SRD5A2: variants seen among roughly 807,000 people sequenced by gnomAD.
SRD5A2 encodes steroid 5 alpha-reductase 2, also known as 3-oxo-5-alpha-steroid 4-dehydrogenase 2.
In SRD5A2, 30 loss-of-function variants were observed where a neutral mutation model predicts 27.4. That is an observed-to-expected ratio of 1.10 (90% CI 0.82 to 1.49). The LOEUF is 1.49. Among genes scored for constraint, SRD5A2 ranks in the 40% most tolerant of loss-of-function variants. SRD5A2 has a pLI of 0.00. For synonymous variants in SRD5A2, 141 were observed against 133.6 expected (o/e 1.06, Z -0.38); for missense variants, 348 against 323.4 (o/e 1.08, Z -0.58).
intron 1 of SRD5A2, among the ~76,000 whole-genome samples, chr2:31,558,641 T>C (rs1394539346): frequency 6.6e-6 from 1 of 152,226 alleles, no homozygotes; most frequent in Non-Finnish European, 1.5e-5. Context: ...TAATCCAGTA[T>C]GACCTCATCT....
chr2:31,563,413 A>G (rs1177574115), intron 1 of SRD5A2: 1 of 152,132 alleles, frequency 6.6e-6, no homozygotes, highest in African/African-American at 2.4e-5. Flanking sequence ...TGAAATAATT[A>G]TTTACAAAAC....
the SRD5A2 span, among the ~76,000 whole-genome samples, chr2:31,620,627 T>C: frequency 6.6e-6 from 1 of 151,980 alleles, no homozygotes; most frequent in Non-Finnish European, 1.5e-5. Flanking sequence ...TTAGTATACC[T>C]ACATTAGTAA....
chr2:31,533,828 C>T (rs1665969408), intron 1 of SRD5A2, 62 bp from the exon 2 acceptor site: 1 of 1,524,058 alleles, frequency 6.6e-7, no homozygotes, highest in Non-Finnish European at 8.8e-7. Context: ...GTCTCATCCC[C>T]ACCTCTTTCT....
In SRD5A2 at chr2:31,531,478, C is replaced by A; in HGVS notation, c.446-6G>T. The A allele has an allele frequency of 6.3e-7, 1 of 1,575,836 alleles. No individual in the cohort carries two copies. Among genetic ancestry groups the A allele is most frequent in the East Asian group, 2.3e-5 (1 of 43,880 alleles). On this transcript the variant is annotated splice_polypyrimidine_tract_variant and splice_region_variant and intron_variant, in intron 2 of 4. Transcript: ENST00000622030. ...CAAAATAAATAAGAAGACACCTTGA[C>A]AAAGAAGAGAGAAAGGAGAAATTTT...
the SRD5A2 span, among the ~76,000 whole-genome samples, chr2:31,614,824 C>T: frequency 6.6e-6 from 1 of 152,168 alleles, no homozygotes; most frequent in Non-Finnish European, 1.5e-5. Context: ...TGGCAGTGTC[C>T]TCATCCCAAT....
chr2:31,626,035 G>A, the SRD5A2 span, among the ~76,000 whole-genome samples: 4 of 152,004 alleles, frequency 2.6e-5, no homozygotes, highest in East Asian at 1.9e-4. Flanking sequence ...CTTTTATTTC[G>A]TTGAGCAGTG....
chr2:31,628,906 T>C, the SRD5A2 span, among the ~76,000 whole-genome samples: 1 of 152,200 alleles, frequency 6.6e-6, no homozygotes, highest in Non-Finnish European at 1.5e-5. Flanking sequence ...GAGAATCCGA[T>C]GACTGTGTGT....
At chr2:31,539,593 A>C (rs1169455364) in intron 1 of SRD5A2, among the ~76,000 whole-genome samples, 1 of 152,156 alleles carries the variant, frequency 6.6e-6, no homozygotes, top group African/African-American at 2.4e-5. Flanking sequence ...CCACTTCTCC[A>C]CAGTGTTAGT....
At chr2:31,554,961 G>GTA (rs1283926576) in intron 1 of SRD5A2, among the ~76,000 whole-genome samples, 2 of 145,650 alleles carry the variant, frequency 1.4e-5, no homozygotes, top group African/African-American at 5.1e-5. Flanking sequence ...GTGTGTGTGT[G>GTA]TGTGTGTATG....
the SRD5A2 span, among the ~76,000 whole-genome samples, chr2:31,592,703 G>A: frequency 6.6e-6 from 1 of 152,156 alleles, no homozygotes; most frequent in Non-Finnish European, 1.5e-5. Flanking sequence ...CTGAACAGCA[G>A]GCCTTGACTT....
chr2:31,573,249 C>T (rs1293906068), intron 1 of SRD5A2, among the ~76,000 whole-genome samples: 2 of 152,178 alleles, frequency 1.3e-5, no homozygotes, highest in Non-Finnish European at 1.5e-5. Flanking sequence ...ATGCAAAGAA[C>T]ATAATATAAT....
intron 1 of SRD5A2, among the ~76,000 whole-genome samples, chr2:31,571,714 T>A (rs1304042008): frequency 6.6e-6 from 1 of 152,142 alleles, no homozygotes; most frequent in Non-Finnish European, 1.5e-5. Flanking sequence ...GCAAAGGACA[T>A]CAACAGATAC....
chr2:31,537,768 C>T (rs966336362), intron 1 of SRD5A2, among the ~76,000 whole-genome samples: 1 of 152,136 alleles, frequency 6.6e-6, no homozygotes, highest in African/African-American at 2.4e-5. Context: ...TGCAACGGTG[C>T]TGAAAGGTGG....
At chr2:31,629,900 G>A in the SRD5A2 span, among the ~76,000 whole-genome samples, 1 of 152,090 alleles carries the variant, frequency 6.6e-6, no homozygotes, top group African/African-American at 2.4e-5. Flanking sequence ...CCTCTCCCAA[G>A]TATTAGAGCA....
the SRD5A2 span, among the ~76,000 whole-genome samples, chr2:31,636,285 A>AT: frequency 6.6e-6 from 1 of 151,870 alleles, no homozygotes; most frequent in Non-Finnish European, 1.5e-5. Context: ...GGTATTTTAT[A>AT]TTTTTATAGC....
At chr2:31,545,114 G>A (rs1666217760) in intron 1 of SRD5A2, among the ~76,000 whole-genome samples, 1 of 151,530 alleles carries the variant, frequency 6.6e-6, no homozygotes, top group African/African-American at 2.4e-5. Context: ...TTTCACTGGT[G>A]AATTCTACCA....
chr2:31,535,184 G>A (rs1666000522), intron 1 of SRD5A2, among the ~76,000 whole-genome samples: 1 of 152,086 alleles, frequency 6.6e-6, no homozygotes, highest in South Asian at 2.1e-4. Context: ...ACCATGCCCA[G>A]CTAATTTTTG....
chr2:31,539,080 TG>T (rs2148070584), intron 1 of SRD5A2, among the ~76,000 whole-genome samples: 1 of 152,312 alleles, frequency 6.6e-6, no homozygotes, highest in East Asian at 1.9e-4. Flanking sequence ...GAAGTGGAGA[TG>T]CTTTTCCACA....
At position 31,533,702 on chromosome 2, in the gene SRD5A2, T is replaced by C. The variant is rs372306184; in HGVS notation, c.346A>G (p.Thr116Ala). The change falls in exon 2 of 5, where the codon ACT (threonine) becomes GCT (alanine). Residue 116 changes from threonine (T) to alanine (A), a missense_variant. Thr to Ala is a moderately conservative substitution (Grantham distance 58). Coordinates refer to ENST00000622030, the MANE Select transcript of SRD5A2 (RefSeq NM_000348.4). Reference sequence around the variant, plus strand: ...ACTCCATTTCCAGTGCAGAAGGCAGTGCCTCTGAGAATGAGTATAGCTGGA... The same window carrying C: ...ACTCCATTTCCAGTGCAGAAGGCAGCGCCTCTGAGAATGAGTATAGCTGGA... ...PYPAILILRG[T>A]AFCTGNGVLQ... is the part of the protein sequence containing the mutation. 1.3e-6 allele frequency: 2 copies of C among 1,592,744 alleles called. No homozygotes were observed. The highest frequency in any genetic ancestry group is 1.7e-6 in the Non-Finnish European group (2 of 1,169,256).
Sources: gnomAD v4.1 joint callset for allele counts (sites outside exome capture counted in the v4.1 genomes callset) on GRCh38, gnomAD v4.1.1 for gene constraint, MANE v1.5 for transcripts, NCBI Gene and HGNC (gene_info 2026-07-23, HGNC 2026-07-21) for gene names.